Variants in RABL6 observed in about 807,000 individuals in gnomAD.
The protein encoded by RABL6 is RAB, member RAS oncogene family like 6, also known as rab-like protein 6.
RABL6 carries 28 observed loss-of-function variants against 72.9 expected under a neutral mutation model. That is an observed-to-expected ratio of 0.38 (90% CI 0.28 to 0.53). RABL6 has a LOEUF of 0.53. Ranked by LOEUF, RABL6 falls within the 20% of genes least tolerant of loss-of-function variation. The pLI is 0.80. For missense variants in RABL6, 1,029 were observed against 1,008.4 expected (o/e 1.02, Z -0.28); for synonymous variants, 477 against 421.2 (o/e 1.13, Z -1.62).
At position 136,808,068 on chromosome 9, in the gene RABL6, G is replaced by T; in HGVS notation, c.-129G>T. On this transcript the variant is annotated 5_prime_UTR_variant, in exon 1 of 15. Coordinates refer to ENST00000311502, the MANE Select transcript of RABL6 (RefSeq NM_024718.5). Reference sequence around the variant, plus strand: ...GGCTGCGCTCCGCCGCCGGGACCCCGGCCTCTGGCCGCGCCGGCTCCGGCC... The same window carrying T: ...GGCTGCGCTCCGCCGCCGGGACCCCTGCCTCTGGCCGCGCCGGCTCCGGCC... 1 of 1,139,326 alleles carries T rather than the reference G, an allele frequency of 8.8e-7. No homozygotes were observed. 70.6% of individuals were successfully genotyped at this position (1,139,326 alleles called of 1,614,324 possible).
rs1564360851 is a variant in RABL6 at position 136,818,387 on chromosome 9, AAAAAAAAAAAAAAAAAACC to A, written c.131-5134_131-5116del. On this transcript the variant is annotated intron_variant, in intron 1 of 14. Transcript: ENST00000311502. ...CAAAAAAAAAAAAAAAAAAAAAAAA[AAAAAAAAAAAAAAAAAACC>A]AAAGGTAAGCAAAGAAACTGGTAAA... Among the ~76,000 whole-genome samples the A allele has an allele frequency of 1.2e-4, 15 of 124,350 alleles. No homozygotes were observed. In the East Asian group the frequency reaches 2.0e-3, roughly 17 times the overall value. The allele number at this position is 124,350 out of a possible 152,430, so 81.6% of individuals were successfully genotyped here. A position where few individuals can be genotyped will look rare whatever the true frequency, so the allele number is the denominator to read the frequency against.
chr9:136,838,080 G>A (rs1848617525), intron 10 of RABL6, 65 bp downstream of exon 10: 4 of 1,535,094 alleles, frequency 2.6e-6, no homozygotes, highest in African/African-American at 2.7e-5. Flanking sequence ...CGAGCAGCAG[G>A]TGGGGCTGGC....
intron 12 of RABL6, 70 bp downstream of exon 12, chr9:136,839,556 TG>T: frequency 6.4e-7 from 1 of 1,559,760 alleles, no homozygotes; most frequent in African/African-American, 1.3e-5. Flanking sequence ...CTGATCTGGG[TG>T]GGTGCAGTGG....
intron 2 of RABL6, 69 bp from the exon 3 acceptor site, chr9:136,825,710 G>A: frequency 6.5e-7 from 1 of 1,539,430 alleles, no homozygotes; most frequent in Admixed American, 1.7e-5. Context: ...AACCACACCA[G>A]CTGGACCGCT....
Position 136,838,975 on chromosome 9 carries a change from C to G in RABL6, c.1347C>G (p.Asp449Glu). The change falls in exon 11 of 15, where the codon GAC becomes GAG. Residue 449 changes from aspartate (D) to glutamate (E), a missense_variant. Around this residue, in one of 2 missense-constraint regions of RABL6, gnomAD observed 595 missense variants for 472.4 expected, o/e 1.26. Transcript: ENST00000311502. ...AGFQDDVDLE[D>E]QPRGSPPLPA... ...TCCAGGACGATGTGGACCTCGAAGACCAGCCACGTGGGAGTCCCCCGCTGC... is the reference window on the plus strand; with the variant it reads ...TCCAGGACGATGTGGACCTCGAAGAGCAGCCACGTGGGAGTCCCCCGCTGC... 1 of 1,611,542 alleles carries G rather than the reference C, an allele frequency of 6.2e-7. No homozygotes were observed. The highest frequency in any genetic ancestry group is 8.5e-7 in the Non-Finnish European group (1 of 1,179,414).
At position 136,823,543 on chromosome 9, in the gene RABL6, G is replaced by T; in HGVS notation, c.149G>T (p.Gly50Val). The change falls in exon 2 of 15, where the codon GGA becomes GTA. Residue 50 changes from glycine to valine, a missense_variant. Gly to Val is a moderately radical substitution (Grantham distance 109). Transcript: ENST00000311502. ...VQYNMKIVIRGDRNTGKTALW... is the reference protein window; with the variant it reads ...VQYNMKIVIRVDRNTGKTALW... ...TCCCCAGTGAAGATAGTGATCCGGG[G>T]AGACAGGAACACGGGCAAGACAGCG... The T allele has an allele frequency of 6.2e-7, 1 of 1,613,828 alleles. No homozygotes were observed. Among genetic ancestry groups the T allele is most frequent in the Non-Finnish European group, 8.5e-7 (1 of 1,179,874 alleles).
rs1431793716 is a variant in RABL6 at position 136,837,659 on chromosome 9, C to T, written c.1123C>T (p.Pro375Ser). 4.4e-6 allele frequency: 7 copies of T among 1,582,940 alleles called. No individual in the cohort carries two copies. Among genetic ancestry groups the T allele is most frequent in the East Asian group, 2.3e-5 (1 of 43,228 alleles). The change falls in exon 9 of 15, where the codon CCA (proline) becomes TCA (serine). Residue 375 changes from proline (P) to serine (S), a missense_variant. Pro to Ser is a moderately conservative substitution (Grantham distance 74). Coordinates refer to ENST00000311502, the MANE Select transcript of RABL6 (RefSeq NM_024718.5). ...TGCCACCGAGGCAGCCCCTCCACCT[C>T]CAGGTAGGCCCTGGAGCTGCCCCTC... ...SPATEAAPPP[P>S]EPVPAAEGPA...
At chr9:136,821,873 G>C in intron 1 of RABL6, 1 of 1,259,480 alleles carries the variant, frequency 7.9e-7, no homozygotes, top group African/African-American at 1.6e-5. Context: ...CCTCCTGGCT[G>C]CCCCCAGCCG....
intron 1 of RABL6, among the ~76,000 whole-genome samples, chr9:136,819,372 AG>A (rs1473967390): frequency 6.6e-6 from 1 of 152,070 alleles, no homozygotes; most frequent in Non-Finnish European, 1.5e-5. Context: ...CTTTAATCAA[AG>A]GCATAGAAGG....
At chr9:136,832,560 G>C (rs906136024) in intron 7 of RABL6, 190 bp downstream of exon 7, 8 of 687,820 alleles carry the variant, frequency 1.2e-5, no homozygotes, top group Non-Finnish European at 1.9e-5. Context: ...ACAGGGTCCT[G>C]AGGGCTAGAC....
chr9:136,814,731 A>G (rs1214739662), intron 1 of RABL6: 2 of 151,280 alleles, frequency 1.3e-5, no homozygotes, highest in Admixed American at 6.6e-5. Flanking sequence ...AACCTGGGCG[A>G]GAGAGTGAGA....
At chr9:136,822,489 T>C (rs1848258751) in intron 1 of RABL6, among the ~76,000 whole-genome samples, 1 of 152,200 alleles carries the variant, frequency 6.6e-6, no homozygotes, top group Non-Finnish European at 1.5e-5. Flanking sequence ...TGCTGGCTGC[T>C]GCGTCCGCAC....
intron 1 of RABL6, among the ~76,000 whole-genome samples, chr9:136,819,660 C>G (rs780672566): frequency 6.6e-6 from 1 of 152,252 alleles, no homozygotes; most frequent in East Asian, 1.9e-4. Context: ...GACAGTGATG[C>G]CATATGCAGA....
intron 1 of RABL6, among the ~76,000 whole-genome samples, chr9:136,823,239 C>T (rs987869921): frequency 2.0e-5 from 3 of 151,382 alleles, no homozygotes; most frequent in Non-Finnish European, 4.4e-5. Context: ...GGCAGAACCA[C>T]GTCCTCCAAG....
intron 7 of RABL6, chr9:136,833,640 T>G: frequency 6.5e-7 from 1 of 1,530,546 alleles, no homozygotes; most frequent in Non-Finnish European, 8.8e-7. Context: ...GACCTGAACC[T>G]CCTCGCCCTG....
At chr9:136,819,007 TAGAA>T (rs1848182946) in intron 1 of RABL6, among the ~76,000 whole-genome samples, 1 of 152,248 alleles carries the variant, frequency 6.6e-6, no homozygotes, top group East Asian at 1.9e-4. Context: ...AAATACCAGG[TAGAA>T]AGAATACTTT....
chr9:136,840,735 G>C lies in RABL6; in HGVS notation c.*213G>C. The C allele has an allele frequency of 1.3e-6, 2 of 1,548,502 alleles. No individual in the cohort carries two copies. Among genetic ancestry groups the C allele is most frequent in the Non-Finnish European group, 8.7e-7 (1 of 1,146,816 alleles). ...TGAGCCTGCTCTGCAAGAAGGGAGG[G>C]GACAGCTGGCTTCAGCCAGGCTCGG... is the stretch of plus-strand genomic sequence containing the variant. On this transcript the variant is annotated 3_prime_UTR_variant, in exon 15 of 15. Coordinates refer to ENST00000311502, the MANE Select transcript of RABL6 (RefSeq NM_024718.5).
chr9:136,818,466 A>G (rs998207186), intron 1 of RABL6, among the ~76,000 whole-genome samples: 2 of 148,848 alleles, frequency 1.3e-5, no homozygotes, highest in African/African-American at 5.0e-5. Flanking sequence ...TTGGTGGGTC[A>G]GGTGCGGTGG....
intron 9 of RABL6, 28 bp from the exon 10 acceptor site, chr9:136,837,834 G>A: frequency 6.5e-7 from 1 of 1,545,616 alleles, no homozygotes; most frequent in South Asian, 1.2e-5. Flanking sequence ...GGTGCCGAGT[G>A]AAGAGGACCC....
Sources: allele counts gnomAD v4.1 joint callset (sites outside exome capture counted in the v4.1 genomes callset), GRCh38; gene constraint gnomAD v4.1.1; regional missense constraint gnomAD v4.1.1; transcripts MANE v1.5; gene names NCBI Gene and HGNC (gene_info 2026-07-23, HGNC 2026-07-21).